Variants in TUSC3 observed in about 807,000 individuals in gnomAD.
TUSC3 encodes the protein dolichyl-diphosphooligosaccharide--protein glycosyltransferase subunit TUSC3.
TUSC3 carries 45 observed loss-of-function variants against 44.8 expected under a neutral mutation model. The observed-to-expected ratio is 1.00, with a 90% CI of 0.79 to 1.29. The LOEUF is 1.29. Among genes scored for constraint, TUSC3 ranks in the 50% most tolerant of loss-of-function variants. TUSC3 has a pLI of 0.00. For missense variants in TUSC3, 519 were observed against 437.9 expected (o/e 1.19, Z -1.65); for synonymous variants, 212 against 152.9 (o/e 1.39, Z -2.85).
chr8:15,492,924 C>G (rs1279400295), intron 2 of TUSC3, among the ~76,000 whole-genome samples: 1 of 151,782 alleles, frequency 6.6e-6, no homozygotes, highest in Admixed American at 6.6e-5. Flanking sequence ...CCTAAAACAT[C>G]ATGAAAAAAA....
intron 7 of TUSC3, among the ~76,000 whole-genome samples, chr8:15,735,049 GC>G (rs1300670379): frequency 1.3e-5 from 2 of 152,124 alleles, no homozygotes; most frequent in African/African-American, 4.8e-5. Context: ...GTTGAGCCCC[GC>G]ATGTCTTCTT....
At chr8:15,507,889 G>C (rs1197811433) in intron 2 of TUSC3, among the ~76,000 whole-genome samples, 1 of 152,104 alleles carries the variant, frequency 6.6e-6, no homozygotes, top group Non-Finnish European at 1.5e-5. Flanking sequence ...AGGAGTGAAG[G>C]TGGGCACATT....
the TUSC3 span, among the ~76,000 whole-genome samples, chr8:15,823,399 C>T: frequency 6.6e-6 from 1 of 152,114 alleles, no homozygotes; most frequent in East Asian, 1.9e-4. Flanking sequence ...CTTTAAACTT[C>T]CATGATTCTA....
At chr8:15,847,044 A>C in the TUSC3 span, among the ~76,000 whole-genome samples, 8 of 152,174 alleles carry the variant, frequency 5.3e-5, no homozygotes, top group African/African-American at 1.7e-4. Flanking sequence ...GCCCTAGTCC[A>C]TAACAGCACA....
chr8:15,501,436 T>A (rs538514869), intron 2 of TUSC3, among the ~76,000 whole-genome samples: 3 of 152,082 alleles, frequency 2.0e-5, no homozygotes, highest in Admixed American at 6.5e-5. Context: ...CAACAGGAGG[T>A]CTTAAGTTAC....
chr8:15,510,293 T>C (rs926168775), intron 2 of TUSC3, among the ~76,000 whole-genome samples: 1 of 151,984 alleles, frequency 6.6e-6, no homozygotes, highest in African/African-American at 2.4e-5. Context: ...AAGAAAAGAA[T>C]TGGTAAAACC....
intron 5 of TUSC3, among the ~76,000 whole-genome samples, chr8:15,666,270 A>T (rs557987591): frequency 6.6e-6 from 1 of 151,540 alleles, no homozygotes; most frequent in Non-Finnish European, 1.5e-5. Flanking sequence ...TATCCTAAGG[A>T]TATGCACTTA....
chr8:15,543,469 T>C (rs1476603876), intron 1 of TUSC3, among the ~76,000 whole-genome samples: 1 of 152,144 alleles, frequency 6.6e-6, no homozygotes, highest in African/African-American at 2.4e-5. Context: ...TCTAATTTTA[T>C]GACATCAGGC....
intron 1 of TUSC3, among the ~76,000 whole-genome samples, chr8:15,583,810 C>T (rs1279912467): frequency 6.6e-6 from 1 of 151,964 alleles, no homozygotes; most frequent in Non-Finnish European, 1.5e-5. Flanking sequence ...AAGTATAAGC[C>T]ATTTATGTAT....
chr8:15,829,248 T>G, the TUSC3 span, among the ~76,000 whole-genome samples: 1 of 152,332 alleles, frequency 6.6e-6, no homozygotes, highest in African/African-American at 2.4e-5. Context: ...AAGAATCAAC[T>G]TCACTCATGT....
chr8:15,719,990 C>G (rs1390864352), intron 6 of TUSC3, among the ~76,000 whole-genome samples: 2 of 152,010 alleles, frequency 1.3e-5, no homozygotes, highest in East Asian at 3.9e-4. Context: ...ATGGTCACAG[C>G]TAACTATAAC....
chr8:15,843,307 A>G, the TUSC3 span, among the ~76,000 whole-genome samples: 1 of 152,126 alleles, frequency 6.6e-6, no homozygotes, highest in African/African-American at 2.4e-5. Flanking sequence ...TTTGGGTCAG[A>G]TACGTTTGGA....
chr8:15,624,400 T>A (rs1019944613), intron 2 of TUSC3, among the ~76,000 whole-genome samples: 2 of 152,212 alleles, frequency 1.3e-5, no homozygotes, highest in African/African-American at 4.8e-5. Context: ...CAAAATGTTT[T>A]CTAGAATGGC....
At chr8:15,564,995 A>G (rs1253384357) in intron 1 of TUSC3, among the ~76,000 whole-genome samples, 1 of 152,144 alleles carries the variant, frequency 6.6e-6, no homozygotes, top group Non-Finnish European at 1.5e-5. Flanking sequence ...CAGGATGACC[A>G]TTGTATGCAT....
chr8:15,828,348 A>G, the TUSC3 span, among the ~76,000 whole-genome samples: 1 of 152,184 alleles, frequency 6.6e-6, no homozygotes. Flanking sequence ...ACCTAGTTTT[A>G]TATCAACATC....
At chr8:15,676,420 G>T (rs756332612) in intron 6 of TUSC3, among the ~76,000 whole-genome samples, 2 of 152,000 alleles carry the variant, frequency 1.3e-5, no homozygotes, top group African/African-American at 2.4e-5. Context: ...ATTCTGTAGG[G>T]TGTCTTTTTA....
intron 2 of TUSC3, among the ~76,000 whole-genome samples, chr8:15,514,557 A>G (rs998142711): frequency 1.1e-4 from 16 of 152,218 alleles, no homozygotes; most frequent in Admixed American, 1.0e-3. Context: ...GCTTCTTCAC[A>G]GCCCAGAGTT....
At chr8:15,486,321 A>C (rs1253921091) in intron 2 of TUSC3, among the ~76,000 whole-genome samples, 1 of 152,202 alleles carries the variant, frequency 6.6e-6, no homozygotes, top group Non-Finnish European at 1.5e-5. Context: ...GATAAGTGGT[A>C]ATTAAAATGT....
chr8:15,697,488 G>T (rs1329412101), intron 6 of TUSC3, among the ~76,000 whole-genome samples: 1 of 152,142 alleles, frequency 6.6e-6, no homozygotes, highest in African/African-American at 2.4e-5. Context: ...GGCTGTCTTT[G>T]TGAGGGTGCC....
Sources: allele counts gnomAD v4.1 joint callset (sites outside exome capture counted in the v4.1 genomes callset), GRCh38; gene constraint gnomAD v4.1.1; transcripts MANE v1.5; gene names NCBI Gene and HGNC (gene_info 2026-07-23, HGNC 2026-07-21).